The following CDC14A variants were observed in gnomAD, a reference collection of about 807,000 sequenced individuals.
CDC14A encodes dual specificity protein phosphatase CDC14A.
CDC14A carries 53 observed loss-of-function variants against 74.4 expected under a neutral mutation model. The observed-to-expected ratio is 0.71, with a 90% CI of 0.57 to 0.89. The LOEUF is 0.89. Ranked by LOEUF, CDC14A falls within the 40% of genes least tolerant of loss-of-function variation. CDC14A has a pLI of 0.00. For synonymous variants in CDC14A, 247 were observed against 258.4 expected (o/e 0.96, Z 0.43); for missense variants, 646 against 713.7 (o/e 0.91, Z 1.08).
At chr1:100,400,709 T>C (rs932738213) in intron 4 of CDC14A, among the ~76,000 whole-genome samples, 1 of 152,216 alleles carries the variant, frequency 6.6e-6, no homozygotes. Flanking sequence ...TTTCAGACTC[T>C]TTGAGACTGG....
At chr1:100,375,248 G>A (rs1351375378) in intron 2 of CDC14A, among the ~76,000 whole-genome samples, 1 of 152,184 alleles carries the variant, frequency 6.6e-6, no homozygotes, top group Non-Finnish European at 1.5e-5. Context: ...TTGGGAATAA[G>A]GAATGGACAT....
At chr1:100,391,758 C>T (rs369202612) in intron 4 of CDC14A, among the ~76,000 whole-genome samples, 1 of 152,208 alleles carries the variant, frequency 6.6e-6, no homozygotes, top group African/African-American at 2.4e-5. Flanking sequence ...GGAAAAAGCC[C>T]AGCAGTATTG....
At chr1:100,443,201 C>A in intron 7 of CDC14A, 1 of 489,334 alleles carries the variant, frequency 2.0e-6, no homozygotes, top group Non-Finnish European at 3.6e-6. Context: ...AACAACATAT[C>A]TATATATATT....
intron 7 of CDC14A, among the ~76,000 whole-genome samples, chr1:100,454,255 G>T (rs549475285): frequency 1.3e-5 from 2 of 152,118 alleles, no homozygotes; most frequent in African/African-American, 2.4e-5. Context: ...CCATATAATG[G>T]GGGGAGAAAG....
chr1:100,495,617 T>A (rs1259753172), intron 12 of CDC14A, among the ~76,000 whole-genome samples: 1 of 152,170 alleles, frequency 6.6e-6, no homozygotes, highest in African/African-American at 2.4e-5. Context: ...AGCAGCAACA[T>A]TTTTTTGACT....
intron 5 of CDC14A, among the ~76,000 whole-genome samples, chr1:100,430,947 G>A (rs559105758): frequency 6.6e-6 from 1 of 152,120 alleles, no homozygotes; most frequent in Non-Finnish European, 1.5e-5. Context: ...TGCTTTTGGT[G>A]CTTGGTATAA....
intron 3 of CDC14A, among the ~76,000 whole-genome samples, chr1:100,385,102 T>C (rs1294161070): frequency 6.6e-6 from 1 of 152,260 alleles, no homozygotes; most frequent in African/African-American, 2.4e-5. Flanking sequence ...TTTAAAAGGC[T>C]TATTGCATGA....
intron 2 of CDC14A, among the ~76,000 whole-genome samples, chr1:100,366,746 A>G (rs1381378106): frequency 6.6e-6 from 1 of 152,184 alleles, no homozygotes; most frequent in Non-Finnish European, 1.5e-5. Flanking sequence ...CTTTCCTGTC[A>G]AAACAGAAAA....
chr1:100,485,438 CT>C, intron 11 of CDC14A: 2 of 420,274 alleles, frequency 4.8e-6, no homozygotes, highest in Non-Finnish European at 6.4e-6. Flanking sequence ...TGATGTGTGC[CT>C]GTGTGGTCCC....
chr1:100,517,534 G>T (rs1650330521), intron 15 of CDC14A, among the ~76,000 whole-genome samples: 1 of 151,976 alleles, frequency 6.6e-6, no homozygotes, highest in Non-Finnish European at 1.5e-5. Flanking sequence ...TCTTTTCCTG[G>T]TTTATGTCTG....
intron 5 of CDC14A, among the ~76,000 whole-genome samples, chr1:100,427,898 G>C (rs1048428786): frequency 3.3e-5 from 5 of 152,082 alleles, no homozygotes; most frequent in East Asian, 3.9e-4. Context: ...CTCTGAAATG[G>C]GGGGGTAGGA....
upstream of CDC14A, among the ~76,000 whole-genome samples, chr1:100,348,120 A>G (rs1362670066): frequency 6.6e-6 from 1 of 152,080 alleles, no homozygotes; most frequent in East Asian, 1.9e-4. Context: ...CGTCTCTACT[A>G]AAAATACAAA....
chr1:100,468,185 G>T, intron 10 of CDC14A, 91 bp downstream of exon 10: 1 of 1,429,776 alleles, frequency 7.0e-7, no homozygotes, highest in Non-Finnish European at 9.7e-7. Context: ...TCAGCCTGTG[G>T]TTATAAAATG....
At chr1:100,495,861 T>C (rs113258399) in intron 12 of CDC14A, 141 bp from the exon 13 acceptor site, 86 of 645,576 alleles carry the variant, frequency 1.3e-4, no homozygotes, top group African/African-American at 1.2e-3. Context: ...TGGTTCTGGG[T>C]AATCTAATAT....
chr1:100,497,282 C>A (rs1438840252), intron 13 of CDC14A, among the ~76,000 whole-genome samples: 1 of 152,160 alleles, frequency 6.6e-6, no homozygotes, highest in Non-Finnish European at 1.5e-5. Context: ...GAGAAAATGC[C>A]ATGGCAGGGA....
intron 4 of CDC14A, among the ~76,000 whole-genome samples, chr1:100,420,045 C>CA (rs1208908247): frequency 4.8e-4 from 7 of 14,708 alleles, no homozygotes; most frequent in Admixed American, 4.2e-3. Context: ...CACACACACA[C>CA]ACACACACAC....
chr1:100,385,728 A>G (rs1412023834), intron 3 of CDC14A, among the ~76,000 whole-genome samples: 1 of 152,010 alleles, frequency 6.6e-6, no homozygotes, highest in Non-Finnish European at 1.5e-5. Context: ...CTTGCCCAGG[A>G]CCCCTAGTCT....
chr1:100,389,101 A>C (rs11166445), intron 3 of CDC14A, among the ~76,000 whole-genome samples: 5 of 144,858 alleles, frequency 3.5e-5, no homozygotes, highest in Non-Finnish European at 6.0e-5. Flanking sequence ...ATTGAGGCTG[A>C]GAGGTCAAGG....
At chr1:100,494,556 A>G (rs1647487489) in intron 11 of CDC14A, among the ~76,000 whole-genome samples, 1 of 152,180 alleles carries the variant, frequency 6.6e-6, no homozygotes, top group Non-Finnish European at 1.5e-5. Context: ...GTTGCTGTCC[A>G]GTGTAACAAA....
Sources: allele counts gnomAD v4.1 joint callset (sites outside exome capture counted in the v4.1 genomes callset), GRCh38; gene constraint gnomAD v4.1.1; transcripts MANE v1.5; gene names NCBI Gene and HGNC (gene_info 2026-07-23, HGNC 2026-07-21).